The following MBNL1 variants were observed in gnomAD, a reference collection of about 807,000 sequenced individuals.
MBNL1 encodes the protein muscleblind like splicing regulator 1.
A neutral mutation model predicts 42.2 loss-of-function variants in MBNL1; 8 were observed. The observed-to-expected ratio is 0.19, with a 90% CI of 0.11 to 0.34. The LOEUF is 0.34. Among genes scored for constraint, MBNL1 ranks in the 10% least tolerant of loss-of-function variants. MBNL1 has a pLI of 1.00. For missense variants in MBNL1, 309 were observed against 495.3 expected (o/e 0.62, Z 3.57); for synonymous variants, 169 against 173.9 (o/e 0.97, Z 0.22).
intron 1 of MBNL1, among the ~76,000 whole-genome samples, chr3:152,295,737 A>G (rs1308375554): frequency 6.6e-6 from 1 of 152,164 alleles, no homozygotes. Flanking sequence ...AAACAAGGAG[A>G]AGGAATTTGC....
intron 8 of MBNL1, chr3:152,458,114 T>A (rs1410801249): frequency 6.2e-7 from 1 of 1,612,868 alleles, no homozygotes; most frequent in Non-Finnish European, 8.5e-7. Flanking sequence ...TGAAGGTCCT[T>A]GGTATGTTTC....
chr3:152,401,749 G>T (rs1399828824), intron 2 of MBNL1, among the ~76,000 whole-genome samples: 1 of 152,158 alleles, frequency 6.6e-6, no homozygotes, highest in Non-Finnish European at 1.5e-5. Context: ...TTTGCGGCTG[G>T]ACGTGGTGGC....
intron 2 of MBNL1, among the ~76,000 whole-genome samples, chr3:152,349,912 A>G (rs1299447581): frequency 6.6e-6 from 1 of 152,134 alleles, no homozygotes; most frequent in Non-Finnish European, 1.5e-5. Flanking sequence ...TAAGAAATAT[A>G]GGTGTTAAAA....
rs1484855357 is a variant in MBNL1, at chr3:152,445,503, T to TGCAGCTGCACAGGCTGCAGCCACC, written c.780_803dup (p.Gln261_Ala268dup). The TGCAGCTGCACAGGCTGCAGCCACC allele has an allele frequency of 6.2e-7, 1 of 1,610,996 alleles. No individual in the cohort carries two copies. Among genetic ancestry groups the TGCAGCTGCACAGGCTGCAGCCACC allele is most frequent in the East Asian group, 2.2e-5 (1 of 44,634 alleles). On this transcript the variant is annotated inframe_insertion, in exon 5 of 10. Transcript: ENST00000324210. ...CTGCCCAATACCAGGTCAACCAGGC[T>TGCAGCTGCACAGGCTGCAGCCACC]GCAGCTGCACAGGCTGCAGCCACCG...
At chr3:152,364,195 T>C (rs1192340640) in intron 2 of MBNL1, among the ~76,000 whole-genome samples, 1 of 152,112 alleles carries the variant, frequency 6.6e-6, no homozygotes, top group Non-Finnish European at 1.5e-5. Flanking sequence ...AATCTCCACC[T>C]GTTTCATAGC....
intron 3 of MBNL1, among the ~76,000 whole-genome samples, chr3:152,424,213 C>G (rs1385270127): frequency 6.6e-6 from 1 of 152,204 alleles, no homozygotes; most frequent in African/African-American, 2.4e-5. Flanking sequence ...AGCTGATAAG[C>G]TACTTCAGCA....
chr3:152,456,423 C>A, intron 8 of MBNL1, 62 bp downstream of exon 8: 1 of 1,336,290 alleles, frequency 7.5e-7, no homozygotes, highest in Non-Finnish European at 1.1e-6. Context: ...ATCCAACAGC[C>A]CTTACGCACG....
intron 2 of MBNL1, among the ~76,000 whole-genome samples, chr3:152,412,072 A>G (rs1015187240): frequency 2.0e-5 from 3 of 152,186 alleles, no homozygotes; most frequent in Non-Finnish European, 2.9e-5. Flanking sequence ...ACATACCAAC[A>G]TAGTATTTAC....
rs1322695601 is a variant in MBNL1, at chr3:152,299,388, A to C, written c.-789-17A>C. The C allele has an allele frequency of 3.7e-6, 1 of 268,358 alleles. No individual in the cohort carries two copies. Among genetic ancestry groups the C allele is most frequent in the Non-Finnish European group, 6.9e-6 (1 of 144,150 alleles). The allele number at this position is 268,358 out of a possible 1,614,324, so 16.6% of individuals were successfully genotyped here. ...AGTGCTACTTAGTAAATCTTAACCT[A>C]TCTCTTTTTTCTACAGGTTGGTACT... On this transcript the variant is annotated splice_polypyrimidine_tract_variant and intron_variant, in intron 1 of 9. Coordinates refer to ENST00000324210, the MANE Select transcript of MBNL1 (RefSeq NM_021038.5).
Position 152,461,413 on chromosome 3 carries a change from G to A in MBNL1, c.*19-972G>A, listed in dbSNP as rs1430395654. 2.0e-5 allele frequency among the ~76,000 whole-genome samples: 3 copies of A among 152,124 alleles called. No individual in the cohort carries two copies. The East Asian group carries it at 5.8e-4, about 29-fold the overall frequency. Reference sequence around the variant, plus strand: ...CAGTGTTGTAGGTTTAGAAGAAGAGGTTTTTTTGACATGCCAGAAAAATCT... The same window carrying A: ...CAGTGTTGTAGGTTTAGAAGAAGAGATTTTTTTGACATGCCAGAAAAATCT... On this transcript the variant is annotated intron_variant, in intron 9 of 9. Transcript: ENST00000324210.
chr3:152,400,407 A>C (rs1458303121), intron 2 of MBNL1, among the ~76,000 whole-genome samples: 1 of 152,202 alleles, frequency 6.6e-6, no homozygotes. Flanking sequence ...ACTGCCTAAG[A>C]CCTCTAGCCC....
chr3:152,336,588 T>G (rs1291512431), intron 2 of MBNL1, among the ~76,000 whole-genome samples: 9 of 152,210 alleles, frequency 5.9e-5, no homozygotes, highest in Non-Finnish European at 7.4e-5. Flanking sequence ...AAAATCCCAG[T>G]TCCCTCAAAT....
intron 2 of MBNL1, among the ~76,000 whole-genome samples, chr3:152,398,615 G>A (rs762668829): frequency 6.6e-6 from 1 of 152,132 alleles, no homozygotes; most frequent in African/African-American, 2.4e-5. Flanking sequence ...CTCTTGCCTG[G>A]ACTGTTAACA....
At chr3:152,418,918 G>A (rs2098751287) in intron 3 of MBNL1, among the ~76,000 whole-genome samples, 1 of 151,808 alleles carries the variant, frequency 6.6e-6, no homozygotes, top group Non-Finnish European at 1.5e-5. Flanking sequence ...GGGTTTCACT[G>A]TGTTAGCTAG....
chr3:152,390,642 C>CACAT (rs2097677606), intron 2 of MBNL1, among the ~76,000 whole-genome samples: 1 of 151,810 alleles, frequency 6.6e-6, no homozygotes, highest in Admixed American at 6.6e-5. Context: ...CACACACACA[C>CACAT]ACACTCTGAT....
At chr3:152,308,094 T>G (rs2064203275) in intron 2 of MBNL1, among the ~76,000 whole-genome samples, 1 of 152,150 alleles carries the variant, frequency 6.6e-6, no homozygotes, top group African/African-American at 2.4e-5. Flanking sequence ...TTAGAAAATG[T>G]TTTTCCACAG....
At chr3:152,422,886 T>G (rs1314714761) in intron 3 of MBNL1, among the ~76,000 whole-genome samples, 4 of 152,176 alleles carry the variant, frequency 2.6e-5, no homozygotes, top group African/African-American at 9.7e-5. Context: ...ATAAATCAGT[T>G]CTTTGAAACC....
intron 2 of MBNL1, among the ~76,000 whole-genome samples, chr3:152,385,593 G>A (rs1428654368): frequency 2.6e-5 from 4 of 151,934 alleles, no homozygotes; most frequent in Non-Finnish European, 5.9e-5. Flanking sequence ...ACTGATAAAG[G>A]AATAAATAAT....
intron 2 of MBNL1, among the ~76,000 whole-genome samples, chr3:152,385,388 A>T (rs2097367988): frequency 6.6e-6 from 1 of 152,026 alleles, no homozygotes; most frequent in East Asian, 1.9e-4. Context: ...CTTTGATTTC[A>T]AAAAATCACT....
Sources: allele counts gnomAD v4.1 joint callset (sites outside exome capture counted in the v4.1 genomes callset), GRCh38; gene constraint gnomAD v4.1.1; transcripts MANE v1.5; gene names NCBI Gene and HGNC (gene_info 2026-07-23, HGNC 2026-07-21).